Variants in SRGAP2C observed in about 807,000 individuals in gnomAD.
The protein encoded by SRGAP2C is SLIT-ROBO Rho GTPase-activating protein 2C.
In SRGAP2C, 15 loss-of-function variants were observed where a neutral mutation model predicts 25.1. That is an observed-to-expected ratio of 0.60 (90% CI 0.40 to 0.92). SRGAP2C has a LOEUF of 0.92. Ranked by LOEUF, SRGAP2C falls within the 40% of genes least tolerant of loss-of-function variation. SRGAP2C has a pLI of 0.00. For synonymous variants in SRGAP2C, 44 were observed against 96.6 expected (o/e 0.46, Z 3.19); for missense variants, 144 against 264.4 (o/e 0.54, Z 3.16).
chr1:121,267,296 C>T (rs1488920464), intron 2 of SRGAP2C, among the ~76,000 whole-genome samples: 3 of 150,504 alleles, frequency 2.0e-5, no homozygotes, highest in Admixed American at 6.6e-5. Context: ...TGGGCTCAAG[C>T]GGTTCTCATG....
At chr1:121,243,782 G>GTTT (rs57068907) in intron 2 of SRGAP2C, among the ~76,000 whole-genome samples, 1 of 96,996 alleles carries the variant, frequency 1.0e-5, no homozygotes, top group Non-Finnish European at 2.1e-5. Context: ...CAGTGTTTTT[G>GTTT]TTTTTTTTTT....
chr1:121,206,204 G>A (rs1327780955), intron 2 of SRGAP2C, among the ~76,000 whole-genome samples: 1 of 151,298 alleles, frequency 6.6e-6, no homozygotes, highest in East Asian at 1.9e-4. Flanking sequence ...CCACCCCCAT[G>A]CTCCTTCCCC....
intron 2 of SRGAP2C, among the ~76,000 whole-genome samples, chr1:121,199,652 A>C (rs587610178): frequency 1.2e-5 from 1 of 81,240 alleles, no homozygotes; most frequent in South Asian, 3.0e-4. Flanking sequence ...TTAGCTGGGC[A>C]TGGTGGCAGG....
chr1:121,336,002 A>C (rs1658507367), intron 4 of SRGAP2C, among the ~76,000 whole-genome samples: 1 of 151,050 alleles, frequency 6.6e-6, no homozygotes, highest in Non-Finnish European at 1.5e-5. Context: ...ACTTCATTAC[A>C]GTGGGTATAT....
intron 3 of SRGAP2C, chr1:121,314,868 C>G: frequency 1.8e-6 from 1 of 561,310 alleles, no homozygotes; most frequent in South Asian, 1.6e-5. Context: ...TCTTCTGTGT[C>G]GCTCACGCTG....
At chr1:121,287,841 T>C (rs1439604415) in intron 3 of SRGAP2C, among the ~76,000 whole-genome samples, 3 of 151,826 alleles carry the variant, frequency 2.0e-5, no homozygotes, top group East Asian at 1.9e-4. Context: ...TCACGGTGAG[T>C]GTTACAGCTC....
At chr1:121,198,262 A>C (rs1275028591) in intron 2 of SRGAP2C, among the ~76,000 whole-genome samples, 5 of 146,358 alleles carry the variant, frequency 3.4e-5, no homozygotes, top group Non-Finnish European at 6.0e-5. Flanking sequence ...ATCCTTTAGG[A>C]AGAAGGCATA....
intron 4 of SRGAP2C, among the ~76,000 whole-genome samples, chr1:121,348,580 G>T (rs1342693254): frequency 6.6e-6 from 1 of 150,758 alleles, no homozygotes; most frequent in African/African-American, 2.4e-5. Context: ...GATACATCAA[G>T]AATATTCTTT....
At chr1:121,372,405 C>G (rs1553351423) in intron 5 of SRGAP2C, among the ~76,000 whole-genome samples, 1 of 149,548 alleles carries the variant, frequency 6.7e-6, no homozygotes, top group African/African-American at 2.5e-5. Flanking sequence ...AGTAGCAATC[C>G]CCAAGTTGTG....
At chr1:121,305,166 C>T (rs1298767374) in intron 3 of SRGAP2C, among the ~76,000 whole-genome samples, 5,795 of 151,510 alleles carry the variant, frequency 0.038, 260 homozygotes, top group East Asian at 0.19. Context: ...GCCATTCTCC[C>T]TGATCACCTC....
intron 4 of SRGAP2C, among the ~76,000 whole-genome samples, chr1:121,347,501 A>G (rs1412237650): frequency 2.0e-5 from 3 of 150,658 alleles, no homozygotes; most frequent in African/African-American, 7.3e-5. Context: ...TTATAAAAAC[A>G]TACCACAGAG....
chr1:121,286,663 C>A (rs1191449685), intron 3 of SRGAP2C, among the ~76,000 whole-genome samples: 2 of 152,236 alleles, frequency 1.3e-5, no homozygotes, highest in Non-Finnish European at 2.9e-5. Context: ...ATAACAAGAT[C>A]CCACAACATA....
intron 4 of SRGAP2C, among the ~76,000 whole-genome samples, chr1:121,328,929 G>A (rs1387556810): frequency 7.1e-6 from 1 of 141,766 alleles, no homozygotes; most frequent in Non-Finnish European, 1.5e-5. Context: ...ACAAAACAGA[G>A]GGCTGGGAGT....
At chr1:121,337,638 T>TAAAC (rs1658546672) in intron 4 of SRGAP2C, among the ~76,000 whole-genome samples, 1 of 148,682 alleles carries the variant, frequency 6.7e-6, no homozygotes, top group African/African-American at 2.5e-5. Context: ...ACTCAAAAAA[T>TAAAC]AAATAAATAA....
chr1:121,340,755 A>G (rs1359283004), intron 4 of SRGAP2C, among the ~76,000 whole-genome samples: 1 of 151,598 alleles, frequency 6.6e-6, no homozygotes, highest in Non-Finnish European at 1.5e-5. Flanking sequence ...TCAATTAGCC[A>G]TCTGTTTCTT....
At chr1:121,362,519 CA>C (rs1659219665) in intron 4 of SRGAP2C, among the ~76,000 whole-genome samples, 1 of 150,344 alleles carries the variant, frequency 6.7e-6, no homozygotes, top group Admixed American at 6.6e-5. Context: ...CCCCATCCCC[CA>C]CTCTGGGGCT....
intron 2 of SRGAP2C, among the ~76,000 whole-genome samples, chr1:121,218,717 AG>A (rs1655457268): frequency 1.3e-5 from 2 of 151,796 alleles, no homozygotes; most frequent in African/African-American, 4.9e-5. Context: ...ACTGCACTCC[AG>A]TCTGGGCGAC....
At chr1:121,212,507 G>T (rs1287164024) in intron 2 of SRGAP2C, among the ~76,000 whole-genome samples, 2 of 151,524 alleles carry the variant, frequency 1.3e-5, no homozygotes, top group Non-Finnish European at 2.9e-5. Flanking sequence ...TGTATGGGGA[G>T]CTCTGATTCT....
intron 2 of SRGAP2C, among the ~76,000 whole-genome samples, chr1:121,228,311 G>T (rs1417049500): frequency 6.6e-6 from 1 of 150,750 alleles, no homozygotes; most frequent in East Asian, 1.9e-4. Flanking sequence ...TCATTTTCAT[G>T]TTACGATCCT....
Sources: gnomAD v4.1 joint callset for allele counts (sites outside exome capture counted in the v4.1 genomes callset) on GRCh38, gnomAD v4.1.1 for gene constraint, MANE v1.5 for transcripts, NCBI Gene and HGNC (gene_info 2026-07-23, HGNC 2026-07-21) for gene names.